Variants in MICU1 observed in about 807,000 individuals in gnomAD.
The protein encoded by MICU1 is mitochondrial calcium uptake 1.
MICU1 carries 45 observed loss-of-function variants against 56.8 expected under a neutral mutation model. That is an observed-to-expected ratio of 0.79 (90% confidence interval 0.62 to 1.02). The LOEUF (loss-of-function observed/expected upper bound fraction) is 1.02. Ranked by LOEUF, MICU1 falls within the 50% of genes least tolerant of loss-of-function variation. The pLI, the probability that MICU1 is intolerant of heterozygous loss-of-function variation, is 0.00. For synonymous variants in MICU1, 186 were observed against 195.1 expected, an observed-to-expected ratio of 0.95 and a Z score of 0.39; for missense variants, 504 against 587.1, an observed-to-expected ratio of 0.86 and a Z score of 1.46.
At chr10:72,603,772 C>A (rs558725672) in intron 1 of MICU1, among the ~76,000 whole-genome samples, 1 of 152,196 alleles carries the variant, frequency 6.6e-6, no homozygotes, top group African/African-American at 2.4e-5. Context: ...CCATTGCACT[C>A]CAGTCTGGGC....
chr10:72,526,388 C>T (rs1417905684), intron 5 of MICU1, among the ~76,000 whole-genome samples: 2 of 152,078 alleles, frequency 1.3e-5, no homozygotes, highest in Non-Finnish European at 2.9e-5. Context: ...CTCCGCCTCC[C>T]GGGTTCAAGT....
chr10:72,484,447 A>C (rs1866400993), intron 6 of MICU1, among the ~76,000 whole-genome samples: 1 of 152,180 alleles, frequency 6.6e-6, no homozygotes, highest in South Asian at 2.1e-4. Flanking sequence ...GGAGGAAAAG[A>C]AATTAGTTAT....
At chr10:72,560,688 G>T (rs1203730384) in intron 3 of MICU1, among the ~76,000 whole-genome samples, 2 of 152,104 alleles carry the variant, frequency 1.3e-5, no homozygotes, top group Non-Finnish European at 2.9e-5. Context: ...TGGCTAACAT[G>T]GTGAAACCCC....
chr10:72,531,732 TAAAAA>T, intron 5 of MICU1: 1 of 149,910 alleles, frequency 6.7e-6, no homozygotes, highest in South Asian at 2.1e-4. Flanking sequence ...AAATAAAAAA[TAAAAA>T]AAGAAAGAAA....
intron 5 of MICU1, among the ~76,000 whole-genome samples, chr10:72,510,599 C>T (rs1867411819): frequency 6.6e-6 from 1 of 152,058 alleles, no homozygotes; most frequent in Non-Finnish European, 1.5e-5. Context: ...TTTAATAAAA[C>T]CAGGAAATTT....
intron 10 of MICU1, among the ~76,000 whole-genome samples, chr10:72,382,925 C>T (rs1048492743): frequency 6.6e-6 from 1 of 152,072 alleles, no homozygotes; most frequent in Non-Finnish European, 1.5e-5. Context: ...ACTTGCTTTT[C>T]CCTCTCACAT....
chr10:72,494,765 A>G (rs575840798), intron 6 of MICU1, among the ~76,000 whole-genome samples: 53 of 152,188 alleles, frequency 3.5e-4, no homozygotes, highest in Admixed American at 2.3e-3. Flanking sequence ...CTTCGGCTAT[A>G]CAGGCATTTA....
chr10:72,539,927 G>A (rs1839728555), intron 4 of MICU1, among the ~76,000 whole-genome samples: 1 of 152,142 alleles, frequency 6.6e-6, no homozygotes, highest in Non-Finnish European at 1.5e-5. Context: ...AATGTGAAGA[G>A]GAATGTACTC....
At chr10:72,620,788 G>C (rs1196709738) in intron 1 of MICU1, among the ~76,000 whole-genome samples, 1 of 152,130 alleles carries the variant, frequency 6.6e-6, no homozygotes, top group African/African-American at 2.4e-5. Context: ...TCAACGACAG[G>C]TTATTAATTA....
chr10:72,548,049 A>G (rs1839939945), intron 4 of MICU1, among the ~76,000 whole-genome samples: 1 of 152,200 alleles, frequency 6.6e-6, no homozygotes, highest in African/African-American at 2.4e-5. Flanking sequence ...ATATCTCCAA[A>G]TGTGTGCATG....
intron 8 of MICU1, among the ~76,000 whole-genome samples, chr10:72,439,230 G>T (rs1051697542): frequency 7.9e-5 from 12 of 152,186 alleles, no homozygotes; most frequent in African/African-American, 2.2e-4. Flanking sequence ...TCCCTGGGAT[G>T]CAAGGCTGGT....
At chr10:72,404,732 C>A (rs1863572062) in intron 10 of MICU1, among the ~76,000 whole-genome samples, 1 of 152,006 alleles carries the variant, frequency 6.6e-6, no homozygotes, top group Non-Finnish European at 1.5e-5. Context: ...AAAACACAAA[C>A]CTTACATATT....
intron 11 of MICU1, among the ~76,000 whole-genome samples, chr10:72,370,269 G>T (rs16929787): frequency 1.3e-5 from 2 of 152,122 alleles, no homozygotes; most frequent in African/African-American, 4.8e-5. Context: ...AAGACACCCA[G>T]GGGCCTGTTG....
intron 1 of MICU1, among the ~76,000 whole-genome samples, chr10:72,620,171 T>C (rs1842070918): frequency 6.6e-6 from 1 of 152,188 alleles, no homozygotes; most frequent in African/African-American, 2.4e-5. Flanking sequence ...GCAAGGTTAT[T>C]AGAATAGGCA....
At chr10:72,378,526 AT>A (rs1862600458) in intron 10 of MICU1, among the ~76,000 whole-genome samples, 1 of 152,116 alleles carries the variant, frequency 6.6e-6, no homozygotes, top group African/African-American at 2.4e-5. Context: ...CTCCTCAGCC[AT>A]GCTTCCTTTA....
intron 1 of MICU1, among the ~76,000 whole-genome samples, chr10:72,586,013 CTTTTTTTTTTTT>C (rs71021511): frequency 2.7e-5 from 2 of 74,714 alleles, no homozygotes; most frequent in Admixed American, 2.0e-4. Context: ...TTTTTTTTTT[CTTTTTTTTTTTT>C]TTTTTTTGAG....
At chr10:72,401,874 C>T (rs904970080) in intron 10 of MICU1, among the ~76,000 whole-genome samples, 41 of 152,158 alleles carry the variant, frequency 2.7e-4, no homozygotes, top group African/African-American at 9.4e-4. Flanking sequence ...CATTTCCCTG[C>T]CTCCTGTAGC....
chr10:72,454,373 G>C (rs138754605), intron 8 of MICU1, among the ~76,000 whole-genome samples: 3,134 of 152,110 alleles, frequency 0.021, 98 homozygotes, highest in African/African-American at 0.071. Flanking sequence ...AGAATTGCTT[G>C]AACCGGGGAG....
At chr10:72,621,235 C>T (rs1225198570) in intron 1 of MICU1, among the ~76,000 whole-genome samples, 5 of 152,252 alleles carry the variant, frequency 3.3e-5, no homozygotes, top group African/African-American at 7.2e-5. Context: ...CAGTGGCTCA[C>T]GCCTATAATC....
Sources: allele counts gnomAD v4.1 joint callset (sites outside exome capture counted in the v4.1 genomes callset), GRCh38; gene constraint gnomAD v4.1.1; transcripts MANE v1.5; gene names NCBI Gene and HGNC (gene_info 2026-07-23, HGNC 2026-07-21).